The following SDK1 variants were observed in gnomAD, a reference collection of about 807,000 sequenced individuals.
SDK1 encodes the protein sidekick cell adhesion molecule 1, also known as protein sidekick-1.
A neutral mutation model predicts 245.5 loss-of-function variants in SDK1; 157 were observed. The observed-to-expected ratio is 0.64, with a 90% CI of 0.56 to 0.73. The LOEUF is 0.73. Ranked by LOEUF, SDK1 falls within the 30% of genes least tolerant of loss-of-function variation. The probability of loss-of-function intolerance (pLI) is 0.00; values close to 1 mark genes in which losing one functional copy is unlikely to be tolerated. For missense variants in SDK1, 3,583 were observed against 3,002.3 expected, an observed-to-expected ratio of 1.19 and a Z score of -4.52; for synonymous variants, 1,647 against 1,278.5, an observed-to-expected ratio of 1.29 and a Z score of -6.15.
At chr7:3,445,742 A>G (rs1407747731) in intron 1 of SDK1, among the ~76,000 whole-genome samples, 1 of 152,142 alleles carries the variant, frequency 6.6e-6, no homozygotes, top group African/African-American at 2.4e-5. Context: ...TACACACATT[A>G]AGAATCACAT....
At chr7:3,654,703 C>A (rs890233783) in intron 4 of SDK1, among the ~76,000 whole-genome samples, 3 of 152,154 alleles carry the variant, frequency 2.0e-5, no homozygotes, top group Non-Finnish European at 4.4e-5. Flanking sequence ...CGTTTCTGTG[C>A]CAAGTGAATA....
intron 1 of SDK1, among the ~76,000 whole-genome samples, chr7:3,332,105 T>G (rs1780083359): frequency 1.3e-5 from 2 of 152,220 alleles, no homozygotes; most frequent in African/African-American, 4.8e-5. Flanking sequence ...ATTATTTTCT[T>G]AAAAGTTAAT....
At chr7:3,775,494 T>C (rs1223605864) in intron 4 of SDK1, among the ~76,000 whole-genome samples, 1 of 152,050 alleles carries the variant, frequency 6.6e-6, no homozygotes, top group African/African-American at 2.4e-5. Context: ...CTGACACATA[T>C]GTGCTTGACT....
At chr7:4,214,682 G>A (rs1324768832) in intron 38 of SDK1, among the ~76,000 whole-genome samples, 1 of 152,186 alleles carries the variant, frequency 6.6e-6, no homozygotes, top group Non-Finnish European at 1.5e-5. Context: ...GCTTGGGCAC[G>A]TTCCAGACTT....
At chr7:3,333,670 C>A (rs745675424) in intron 1 of SDK1, among the ~76,000 whole-genome samples, 41 of 152,296 alleles carry the variant, frequency 2.7e-4, no homozygotes, top group Admixed American at 6.5e-4. Context: ...TCTCTTGTAC[C>A]CATGTGGCTC....
chr7:3,869,352 C>T (rs1038304412), intron 5 of SDK1, among the ~76,000 whole-genome samples: 3 of 152,080 alleles, frequency 2.0e-5, no homozygotes, highest in Non-Finnish European at 1.5e-5. Flanking sequence ...GACGGGGTTT[C>T]ACCATGTTAG....
chr7:3,679,597 T>C (rs541409329), intron 4 of SDK1, among the ~76,000 whole-genome samples: 3 of 152,020 alleles, frequency 2.0e-5, no homozygotes, highest in African/African-American at 7.2e-5. Context: ...CAAAGGAGAT[T>C]AATAGACATT....
chr7:3,692,623 T>C (rs906151988), intron 4 of SDK1, among the ~76,000 whole-genome samples: 4 of 152,160 alleles, frequency 2.6e-5, no homozygotes, highest in African/African-American at 9.7e-5. Context: ...AACTCTTGGC[T>C]ACATGTTTTA....
At chr7:4,254,037 A>G (rs1448081357) in intron 44 of SDK1, among the ~76,000 whole-genome samples, 1 of 152,144 alleles carries the variant, frequency 6.6e-6, no homozygotes. Flanking sequence ...CCTCAGATTT[A>G]TAGTACATTT....
chr7:4,010,155 G>A (rs756823549), intron 14 of SDK1, among the ~76,000 whole-genome samples: 4 of 152,234 alleles, frequency 2.6e-5, no homozygotes, highest in Non-Finnish European at 5.9e-5. Context: ...TGAAAATTCA[G>A]TTCAGGCATC....
intron 5 of SDK1, among the ~76,000 whole-genome samples, chr7:3,876,064 T>C (rs1781069730): frequency 6.6e-6 from 1 of 152,162 alleles, no homozygotes; most frequent in Admixed American, 6.5e-5. Context: ...TCCACCGCTC[T>C]TCCACTGCAG....
rs564092811 is a variant in SDK1 at position 4,011,196 on chromosome 7, A to G, written c.2279+83A>G. The G allele has an allele frequency of 6.6e-6, 10 of 1,511,684 alleles. No individual in the cohort carries two copies. The Admixed American group carries it at 1.9e-4, about 29-fold the overall frequency. 93.6% of individuals were successfully genotyped at this position (1,511,684 alleles called of 1,614,324 possible). ...GAGAAGCATCACATTATGTGGTGGA[A>G]TTGATCACAGCAACCCGCTGGCTTC... is the stretch of plus-strand genomic sequence containing the variant. On this transcript the variant is annotated intron_variant, in intron 15 of 44. Transcript: ENST00000404826.
At chr7:3,817,818 C>A (rs1020533475) in intron 4 of SDK1, among the ~76,000 whole-genome samples, 1 of 152,194 alleles carries the variant, frequency 6.6e-6, no homozygotes, top group Non-Finnish European at 1.5e-5. Context: ...CCTAGCACCT[C>A]AGGAGAGTGT....
chr7:3,430,284 A>AT (rs907133280), intron 1 of SDK1, among the ~76,000 whole-genome samples: 6 of 151,744 alleles, frequency 4.0e-5, no homozygotes, highest in East Asian at 2.0e-4. Context: ...AATGTTCTTA[A>AT]TTTTTTTTTG....
At chr7:3,825,014 G>T (rs866739721) in intron 5 of SDK1, among the ~76,000 whole-genome samples, 1 of 152,022 alleles carries the variant, frequency 6.6e-6, no homozygotes, top group East Asian at 1.9e-4. Context: ...GCCATCCCAG[G>T]GGTGGATCCA....
chr7:3,355,606 C>T (rs1780769099), intron 1 of SDK1, among the ~76,000 whole-genome samples: 1 of 152,210 alleles, frequency 6.6e-6, no homozygotes, highest in African/African-American at 2.4e-5. Context: ...CCTCCATCTT[C>T]ACGGTACCTT....
At chr7:4,209,815 C>T (rs1356338076) in intron 37 of SDK1, among the ~76,000 whole-genome samples, 1 of 152,180 alleles carries the variant, frequency 6.6e-6, no homozygotes, top group East Asian at 1.9e-4. Context: ...GTCATTTTCT[C>T]CACTCTTCTC....
chr7:4,139,245 G>C (rs1046380089), intron 28 of SDK1, among the ~76,000 whole-genome samples: 7 of 152,052 alleles, frequency 4.6e-5, no homozygotes, highest in African/African-American at 1.7e-4. Flanking sequence ...TGGCCTCAAG[G>C]TCTGTTCGTG....
intron 35 of SDK1, among the ~76,000 whole-genome samples, chr7:4,187,857 T>C (rs538763253): frequency 2.0e-5 from 3 of 152,264 alleles, no homozygotes; most frequent in African/African-American, 4.8e-5. Flanking sequence ...AAATTCCTAG[T>C]TGTATTGGTT....
Sources: allele counts gnomAD v4.1 joint callset (sites outside exome capture counted in the v4.1 genomes callset), GRCh38; gene constraint gnomAD v4.1.1; transcripts MANE v1.5; gene names NCBI Gene and HGNC (gene_info 2026-07-23, HGNC 2026-07-21).